The following ERC2 variants were observed in gnomAD, a reference collection of about 807,000 sequenced individuals.
The protein encoded by ERC2 is ERC protein 2.
Under a neutral mutation model 114.8 loss-of-function variants are expected in ERC2, and 42 were observed. The observed-to-expected ratio is 0.37, with a 90% CI of 0.29 to 0.47. The LOEUF (loss-of-function observed/expected upper bound fraction) is 0.47. Ranked by LOEUF, ERC2 falls within the 20% of genes least tolerant of loss-of-function variation. The probability of loss-of-function intolerance (pLI) is 0.99; values close to 1 mark genes in which losing one functional copy is unlikely to be tolerated. For missense variants in ERC2, 939 were observed against 1,150.7 expected (o/e 0.82, Z 2.66); for synonymous variants, 454 against 425.5 (o/e 1.07, Z -0.82).
chr3:55,767,708 C>T (rs1225303371), intron 14 of ERC2, among the ~76,000 whole-genome samples: 1 of 152,172 alleles, frequency 6.6e-6, no homozygotes, highest in Non-Finnish European at 1.5e-5. Context: ...CACTAAAGGG[C>T]ATCAGGGATG....
chr3:56,443,890 T>C (rs972504009), intron 1 of ERC2, among the ~76,000 whole-genome samples: 2 of 151,774 alleles, frequency 1.3e-5, no homozygotes, highest in Non-Finnish European at 2.9e-5. Context: ...CAGTTTTAAA[T>C]ACTTATTATG....
At chr3:56,411,607 A>G (rs1435182789) in intron 2 of ERC2, among the ~76,000 whole-genome samples, 1 of 152,174 alleles carries the variant, frequency 6.6e-6, no homozygotes, top group African/African-American at 2.4e-5. Flanking sequence ...CAACAATAGC[A>G]GCTAACACTT....
At chr3:56,017,502 T>C (rs913816366) in intron 8 of ERC2, among the ~76,000 whole-genome samples, 1 of 152,252 alleles carries the variant, frequency 6.6e-6, no homozygotes, top group Middle Eastern at 3.4e-3. Flanking sequence ...AAATCTTGTC[T>C]CACAAGGGCC....
In ERC2 at chr3:56,253,612, T is replaced by C. The variant is rs571521802; in HGVS notation, c.1074+42407A>G. Among the ~76,000 whole-genome samples, 64 of 152,312 alleles carry C rather than the reference T, an allele frequency of 4.2e-4. 1 individual carries two copies. The Middle Eastern group carries it at 0.014, about 32-fold the overall frequency. ...AGTTATGAATGGGAGGCTTGAGAGA[T>C]AACTGTAGGTGTACAGACCACTTGT... On this transcript the variant is annotated intron_variant, in intron 3 of 17. Transcript: ENST00000288221.
At chr3:55,960,056 C>A (rs2068247960) in intron 12 of ERC2, among the ~76,000 whole-genome samples, 1 of 152,198 alleles carries the variant, frequency 6.6e-6, no homozygotes, top group African/African-American at 2.4e-5. Context: ...AGAGCTGAAG[C>A]CACCATCACA....
intron 14 of ERC2, among the ~76,000 whole-genome samples, chr3:55,869,225 G>A (rs1274497391): frequency 7.2e-5 from 11 of 152,102 alleles, no homozygotes; most frequent in Admixed American, 7.2e-4. Context: ...TGTGAAAATG[G>A]AGGAAAAAGG....
intron 4 of ERC2, among the ~76,000 whole-genome samples, chr3:56,163,972 T>TA (rs1187206224): frequency 6.6e-6 from 1 of 152,082 alleles, no homozygotes; most frequent in African/African-American, 2.4e-5. Flanking sequence ...ATGGGCTAAG[T>TA]ACTAAGTGTG....
chr3:55,921,169 C>T (rs930829055), intron 13 of ERC2, among the ~76,000 whole-genome samples: 2 of 152,078 alleles, frequency 1.3e-5, no homozygotes, highest in African/African-American at 2.4e-5. Context: ...ATGGGATTAG[C>T]GGCTTCAATT....
intron 14 of ERC2, among the ~76,000 whole-genome samples, chr3:55,823,819 A>G (rs2060222245): frequency 6.6e-6 from 1 of 152,170 alleles, no homozygotes; most frequent in Non-Finnish European, 1.5e-5. Context: ...CTTCCAGTAC[A>G]GCCCTCAAAT....
intron 15 of ERC2, among the ~76,000 whole-genome samples, chr3:55,730,338 A>T (rs1275658710): frequency 6.6e-6 from 1 of 152,206 alleles, no homozygotes; most frequent in Non-Finnish European, 1.5e-5. Context: ...ATTCCCCAGC[A>T]CTGCCAGAGA....
chr3:56,251,789 G>C lies in ERC2; in HGVS notation c.1074+44230C>G, dbSNP rs138070855. On this transcript the variant is annotated intron_variant, in intron 3 of 17. Coordinates refer to ENST00000288221, the MANE Select transcript of ERC2 (RefSeq NM_015576.3). ...AACCTATATTGGAAATCTCTAAACG[G>C]AGACGTGGCATTCCGCACTTGTATT... Among the ~76,000 whole-genome samples the C allele has an allele frequency of 9.9e-3, 1,501 of 152,292 alleles. 11 individuals are homozygous for C. Among genetic ancestry groups the C allele is most frequent in the Non-Finnish European group, 0.015 (1,002 of 68,020 alleles).
chr3:56,124,742 G>C (rs1322856878), intron 6 of ERC2, among the ~76,000 whole-genome samples: 1 of 152,082 alleles, frequency 6.6e-6, no homozygotes, highest in Non-Finnish European at 1.5e-5. Context: ...TAGAGATGAC[G>C]AGCACCAACA....
At chr3:55,710,330 C>A (rs1392182609) in intron 15 of ERC2, among the ~76,000 whole-genome samples, 3 of 152,156 alleles carry the variant, frequency 2.0e-5, no homozygotes, top group Middle Eastern at 3.2e-3. Flanking sequence ...TCAATAACCC[C>A]TACCTCTTCT....
At chr3:55,778,360 A>T (rs904086021) in intron 14 of ERC2, among the ~76,000 whole-genome samples, 12 of 152,236 alleles carry the variant, frequency 7.9e-5, no homozygotes, top group Admixed American at 7.2e-4. Context: ...AAACAGAGGA[A>T]GGAAAGGAGG....
intron 5 of ERC2, among the ~76,000 whole-genome samples, chr3:56,148,313 T>G (rs2081250106): frequency 1.3e-5 from 2 of 152,140 alleles, no homozygotes; most frequent in Admixed American, 1.3e-4. Context: ...TGAGATGTAG[T>G]CTTGCTCTGT....
intron 2 of ERC2, among the ~76,000 whole-genome samples, chr3:56,426,839 A>G (rs986426400): frequency 6.6e-6 from 1 of 152,174 alleles, no homozygotes; most frequent in Non-Finnish European, 1.5e-5. Context: ...GCATTATTGC[A>G]GCAGTAGCTG....
At chr3:56,151,179 G>T (rs1479413083) in intron 4 of ERC2, among the ~76,000 whole-genome samples, 3 of 152,224 alleles carry the variant, frequency 2.0e-5, no homozygotes, top group Admixed American at 6.5e-5. Context: ...CAATTTTCAT[G>T]CCTCAGCCTC....
intron 17 of ERC2, among the ~76,000 whole-genome samples, chr3:55,543,574 A>G (rs2054544474): frequency 6.6e-6 from 1 of 152,166 alleles, no homozygotes; most frequent in South Asian, 2.1e-4. Context: ...GAGATGGTTC[A>G]TGCAGATGAC....
At chr3:55,995,494 T>A (rs148542148) in intron 10 of ERC2, among the ~76,000 whole-genome samples, 216 of 152,292 alleles carry the variant, frequency 1.4e-3, no homozygotes, top group African/African-American at 5.0e-3. Flanking sequence ...GGGAGAGCTA[T>A]TAAAATGTCA....
Sources: allele counts gnomAD v4.1 joint callset (sites outside exome capture counted in the v4.1 genomes callset), GRCh38; gene constraint gnomAD v4.1.1; transcripts MANE v1.5; gene names NCBI Gene and HGNC (gene_info 2026-07-23, HGNC 2026-07-21).